Variants in NRXN1 observed in about 807,000 individuals in gnomAD.
NRXN1 encodes neurexin-1.
Under a neutral mutation model 150.9 loss-of-function variants are expected in NRXN1, and 39 were observed. That is an observed-to-expected ratio of 0.26 (90% CI 0.20 to 0.34). The LOEUF is 0.34. Ranked by LOEUF, NRXN1 falls within the 10% of genes least tolerant of loss-of-function variation. The pLI is 1.00. For missense variants in NRXN1, 1,815 were observed against 1,949.9 expected, an observed-to-expected ratio of 0.93 and a Z score of 1.30; for synonymous variants, 924 against 757.0, an observed-to-expected ratio of 1.22 and a Z score of -3.62.
At chr2:50,928,131 C>T (rs1165553408) in intron 2 of NRXN1, among the ~76,000 whole-genome samples, 4 of 151,694 alleles carry the variant, frequency 2.6e-5, no homozygotes, top group South Asian at 2.1e-4. Flanking sequence ...TTCCTTTAAA[C>T]GATCCAAGTC....
At chr2:49,925,281 C>CAAAAAA (rs772838099) in intron 22 of NRXN1, among the ~76,000 whole-genome samples, 2 of 80,992 alleles carry the variant, frequency 2.5e-5, no homozygotes, top group Non-Finnish European at 5.2e-5. Flanking sequence ...CTGCCTCAAC[C>CAAAAAA]AAAAAAAAAA....
At chr2:50,206,014 G>A (rs113470535) in intron 18 of NRXN1, among the ~76,000 whole-genome samples, 14 of 152,052 alleles carry the variant, frequency 9.2e-5, no homozygotes, top group African/African-American at 3.1e-4. Flanking sequence ...GCACAACTCC[G>A]TGAATATACT....
At chr2:50,496,796 T>G (rs1486125271) in intron 14 of NRXN1, among the ~76,000 whole-genome samples, 1 of 152,226 alleles carries the variant, frequency 6.6e-6, no homozygotes, top group Non-Finnish European at 1.5e-5. Flanking sequence ...CACCAATATT[T>G]GCAGAATGAG....
chr2:50,847,025 C>T (rs1673754768), intron 5 of NRXN1, among the ~76,000 whole-genome samples: 1 of 151,860 alleles, frequency 6.6e-6, no homozygotes, highest in Non-Finnish European at 1.5e-5. Context: ...TAAGACCTGT[C>T]GGATCAGATT....
intron 17 of NRXN1, among the ~76,000 whole-genome samples, chr2:50,462,888 C>T (rs779247643): frequency 3.3e-5 from 5 of 151,680 alleles, no homozygotes; most frequent in South Asian, 2.1e-4. Context: ...ACCTTATCAG[C>T]GAGATGACAT....
At chr2:50,942,563 T>C (rs887916466) in intron 2 of NRXN1, among the ~76,000 whole-genome samples, 6 of 152,204 alleles carry the variant, frequency 3.9e-5, no homozygotes, top group African/African-American at 1.2e-4. Flanking sequence ...ATATGAGACA[T>C]GAAGCCAGGG....
intron 9 of NRXN1, among the ~76,000 whole-genome samples, chr2:50,545,833 C>T (rs1224257388): frequency 6.6e-6 from 1 of 152,162 alleles, no homozygotes; most frequent in Non-Finnish European, 1.5e-5. Context: ...GTTCCTGATA[C>T]AAAATGGCTT....
chr2:49,955,031 A>C (rs1423194206), intron 21 of NRXN1, among the ~76,000 whole-genome samples: 1 of 152,166 alleles, frequency 6.6e-6, no homozygotes, highest in Non-Finnish European at 1.5e-5. Flanking sequence ...TGTTATGAAA[A>C]TACAGCTTAG....
intron 18 of NRXN1, among the ~76,000 whole-genome samples, chr2:50,219,970 T>C (rs1207721320): frequency 2.0e-5 from 1 of 50,240 alleles, no homozygotes; most frequent in Admixed American, 2.1e-4. Flanking sequence ...ATATTATATA[T>C]ATATAATATA....
chr2:50,448,910 T>C (rs2086711080), intron 17 of NRXN1, among the ~76,000 whole-genome samples: 1 of 152,136 alleles, frequency 6.6e-6, no homozygotes, highest in Non-Finnish European at 1.5e-5. Flanking sequence ...AGAACTATGT[T>C]AAACCAAAGA....
chr2:50,321,339 G>T (rs1211270008), intron 17 of NRXN1, among the ~76,000 whole-genome samples: 1 of 152,142 alleles, frequency 6.6e-6, no homozygotes, highest in Non-Finnish European at 1.5e-5. Context: ...AACTAACAGG[G>T]ATTATGTTGT....
chr2:50,652,577 G>T (rs1685800232), intron 5 of NRXN1, among the ~76,000 whole-genome samples: 1 of 151,980 alleles, frequency 6.6e-6, no homozygotes, highest in Non-Finnish European at 1.5e-5. Context: ...ACTACATTTT[G>T]CTTGCTCACT....
chr2:49,978,881 A>G (rs1220458384), intron 21 of NRXN1, among the ~76,000 whole-genome samples: 1 of 152,212 alleles, frequency 6.6e-6, no homozygotes, highest in African/African-American at 2.4e-5. Context: ...GAGAGGTTAA[A>G]TAATTTGTTT....
At chr2:51,019,539 A>G (rs1669269943) in intron 2 of NRXN1, among the ~76,000 whole-genome samples, 1 of 152,108 alleles carries the variant, frequency 6.6e-6, no homozygotes, top group Admixed American at 6.6e-5. Context: ...GGGGAAAATC[A>G]TGTATATTTG....
At chr2:50,906,728 T>A (rs1013224401) in intron 5 of NRXN1, among the ~76,000 whole-genome samples, 1 of 152,110 alleles carries the variant, frequency 6.6e-6, no homozygotes, top group African/African-American at 2.4e-5. Context: ...GCATTTCTCT[T>A]ACATACTTAC....
At chr2:50,344,535 C>G (rs920486969) in intron 17 of NRXN1, among the ~76,000 whole-genome samples, 1 of 152,182 alleles carries the variant, frequency 6.6e-6, no homozygotes, top group Non-Finnish European at 1.5e-5. Flanking sequence ...AAGAATAATA[C>G]CAACCACTAT....
chr2:51,009,452 A>G (rs939884791), intron 2 of NRXN1, among the ~76,000 whole-genome samples: 2 of 151,968 alleles, frequency 1.3e-5, no homozygotes, highest in African/African-American at 2.4e-5. Context: ...GTAGCATAAT[A>G]TATCGGGACA....
intron 5 of NRXN1, among the ~76,000 whole-genome samples, chr2:50,906,367 G>T (rs1030702664): frequency 2.0e-5 from 3 of 152,026 alleles, no homozygotes; most frequent in African/African-American, 4.8e-5. Flanking sequence ...ATGAAAATCT[G>T]GGAAGCAGTC....
chr2:50,519,977 A>C (rs2092740581), intron 12 of NRXN1, among the ~76,000 whole-genome samples: 1 of 151,992 alleles, frequency 6.6e-6, no homozygotes, highest in South Asian at 2.1e-4. Flanking sequence ...GACAGGACAT[A>C]ATGTTTACAA....
Sources: gnomAD v4.1 joint callset for allele counts (sites outside exome capture counted in the v4.1 genomes callset) on GRCh38, gnomAD v4.1.1 for gene constraint, MANE v1.5 for transcripts, NCBI Gene and HGNC (gene_info 2026-07-23, HGNC 2026-07-21) for gene names.